The following NLRC5 variants were observed in gnomAD, a reference collection of about 807,000 sequenced individuals.
NLRC5 encodes the protein NLR family CARD domain containing 5.
NLRC5 carries 114 observed loss-of-function variants against 206.9 expected under a neutral mutation model. The ratio of observed to expected loss-of-function variants is 0.55; its 90% confidence interval spans 0.47 to 0.64. The LOEUF is 0.64. Ranked by LOEUF, NLRC5 falls within the 30% of genes least tolerant of loss-of-function variation. NLRC5 has a pLI of 0.00. For missense variants in NLRC5, 2,008 were observed against 2,305.5 expected (o/e 0.87, Z 2.64); for synonymous variants, 952 against 962.8 (o/e 0.99, Z 0.21).
At chr16:57,038,939 T>TAAAAAAAA (rs574142317) in intron 15 of NLRC5, among the ~76,000 whole-genome samples, 1 of 108,274 alleles carries the variant, frequency 9.2e-6, no homozygotes. Context: ...TGTCTCAAAT[T>TAAAAAAAA]AAAAAAAAAA....
chr16:57,042,874 G>A lies in NLRC5; in HGVS notation c.3114-641G>A, dbSNP rs556957399. Reference sequence around the variant, plus strand: ...GTTTTTGTGCAATGCTGGGAAGGAAGGGAGTTGCCTTGGTTCCTGTTCAGG... The same window carrying A: ...GTTTTTGTGCAATGCTGGGAAGGAAAGGAGTTGCCTTGGTTCCTGTTCAGG... On this transcript the variant is annotated intron_variant, in intron 19 of 48. Transcript: ENST00000688547. 3.7e-4 allele frequency among the ~76,000 whole-genome samples: 57 copies of A among 152,290 alleles called. No homozygotes were observed. The East Asian group carries it at 0.01, about 27-fold the overall frequency.
intron 32 of NLRC5, chr16:57,061,928 A>T (rs1567626065): frequency 7.9e-6 from 12 of 1,511,492 alleles, no homozygotes; most frequent in Non-Finnish European, 9.7e-6. Flanking sequence ...GGATTTAAGA[A>T]AAAAAGAAAG....
At chr16:57,054,666 T>C in intron 24 of NLRC5, 85 bp from the exon 25 acceptor site, 44 of 532,578 alleles carry the variant, frequency 8.3e-5, no homozygotes, top group Non-Finnish European at 1.3e-4. Flanking sequence ...CTGCTAGCCC[T>C]CCCCACCCTC....
chr16:56,992,080 A>T, intron 1 of NLRC5: 1 of 152,254 alleles, frequency 6.6e-6, no homozygotes, highest in South Asian at 2.1e-4. Context: ...GCGGCGATGC[A>T]TCTAGGAGCC....
At chr16:57,051,141 G>A (rs1352947702) in intron 23 of NLRC5, among the ~76,000 whole-genome samples, 2 of 152,292 alleles carry the variant, frequency 1.3e-5, no homozygotes, top group East Asian at 1.9e-4. Context: ...TTACAGGCAT[G>A]AGCCACCATG....
rs1299731361 is a variant in NLRC5 at position 57,082,400 on chromosome 16, A to G, written c.5490-17A>G. 2 of 1,585,464 alleles carry G rather than the reference A, an allele frequency of 1.3e-6. No individual in the cohort carries two copies. Among genetic ancestry groups the G allele is most frequent in the Non-Finnish European group, 1.7e-6 (2 of 1,156,978 alleles). ...AAGATGGGAGGATGAATGAGTGCCTATATCTGTGCCCCACAGCCTCTGGAA... is the reference window on the plus strand; with the variant it reads ...AAGATGGGAGGATGAATGAGTGCCTGTATCTGTGCCCCACAGCCTCTGGAA... On this transcript the variant is annotated splice_polypyrimidine_tract_variant and intron_variant, in intron 48 of 48. Coordinates refer to ENST00000688547, the MANE Select transcript of NLRC5 (RefSeq NM_001384950.1).
chr16:57,071,909 T>TTGTG (rs2144949138), intron 38 of NLRC5, among the ~76,000 whole-genome samples: 2 of 152,050 alleles, frequency 1.3e-5, no homozygotes, highest in Admixed American at 1.3e-4. Context: ...TTTGCATGTT[T>TTGTG]TGTGAACACA....
rs77572321 is a variant in NLRC5, at chr16:56,995,699, G to T, written c.-128+6082G>T. ...AAATGGAAGGAGCATGCATGCCTTG[G>T]GAAGCTGGTGCTTTGAGGCATTCAG... On this transcript the variant is annotated intron_variant, in intron 1 of 48. Transcript: ENST00000688547. Among the ~76,000 whole-genome samples, 1,257 of 152,248 alleles carry T rather than the reference G, an allele frequency of 8.3e-3. 42 individuals carry two copies. The East Asian group carries it at 0.083, about 10-fold the overall frequency.
chr16:57,027,247 T>C (rs1288130274), intron 6 of NLRC5, among the ~76,000 whole-genome samples: 1 of 152,208 alleles, frequency 6.6e-6, no homozygotes, highest in East Asian at 1.9e-4. Context: ...CTGTCAATCA[T>C]GGGCTGAAAC....
At chr16:56,992,191 C>T (rs1340274817) in intron 1 of NLRC5, 5 of 152,164 alleles carry the variant, frequency 3.3e-5, no homozygotes, top group African/African-American at 9.7e-5. Flanking sequence ...GACCACACCT[C>T]GATCTCAGAC....
At chr16:57,003,498 C>T (rs1392405242) in intron 1 of NLRC5, among the ~76,000 whole-genome samples, 2 of 152,190 alleles carry the variant, frequency 1.3e-5, no homozygotes, top group African/African-American at 4.8e-5. Flanking sequence ...CGGATGCCCC[C>T]ACTCACTGTG....
chr16:57,029,745 A>T, intron 8 of NLRC5, 28 bp from the exon 9 acceptor site: 5 of 1,608,160 alleles, frequency 3.1e-6, no homozygotes, highest in Non-Finnish European at 4.3e-6. Context: ...CCCCAGGGCA[A>T]AGGGACTGGG....
chr16:57,006,445 G>A (rs1228579538), intron 1 of NLRC5, among the ~76,000 whole-genome samples: 1 of 94,614 alleles, frequency 1.1e-5, no homozygotes, highest in Admixed American at 1.4e-4. Context: ...TTGAGACAGG[G>A]TTTCACTCTG....
intron 32 of NLRC5, chr16:57,061,937 A>C (rs1460239035): frequency 6.6e-7 from 1 of 1,507,408 alleles, no homozygotes; most frequent in South Asian, 1.2e-5. Context: ...AAAAAAAGAA[A>C]GAAAGAAAGA....
intron 32 of NLRC5, chr16:57,061,923 TAAGAAAAA>T (rs1567626048): frequency 6.6e-7 from 1 of 1,516,560 alleles, no homozygotes; most frequent in African/African-American, 1.5e-5. Context: ...CTTTGGGATT[TAAGAAAAA>T]AAGAAAGAAA....
chr16:57,003,120 C>T lies in NLRC5; in HGVS notation c.-128+13503C>T, dbSNP rs113969125. Among the ~76,000 whole-genome samples the T allele has an allele frequency of 5.3e-5, 8 of 152,178 alleles. No individual in the cohort carries two copies. The East Asian group carries it at 1.4e-3, about 26-fold the overall frequency. On this transcript the variant is annotated intron_variant, in intron 1 of 48. Coordinates refer to ENST00000688547, the MANE Select transcript of NLRC5 (RefSeq NM_001384950.1). ...TGTCGCCCAGACTGGAGTGCAGTGGCGTGATCTCAGCTCACTGCCGCCTCC... is the reference window on the plus strand; with the variant it reads ...TGTCGCCCAGACTGGAGTGCAGTGGTGTGATCTCAGCTCACTGCCGCCTCC...
chr16:57,059,828 G>A (rs370630828), intron 30 of NLRC5, among the ~76,000 whole-genome samples: 4 of 152,092 alleles, frequency 2.6e-5, no homozygotes, highest in South Asian at 4.1e-4. Flanking sequence ...TGAGTGTCAC[G>A]GTTAAAGATT....
intron 1 of NLRC5, among the ~76,000 whole-genome samples, chr16:56,995,500 A>G: frequency 6.6e-6 from 1 of 152,184 alleles, no homozygotes; most frequent in Admixed American, 6.5e-5. Flanking sequence ...AATGTTTGAA[A>G]CCGTGTTGTC....
intron 28 of NLRC5, 69 bp from the exon 29 acceptor site, chr16:57,058,903 G>A: frequency 7.8e-7 from 1 of 1,287,806 alleles, no homozygotes; most frequent in Non-Finnish European, 1.1e-6. Context: ...AAGGGAGATG[G>A]AGGGGGCTGG....
Sources: allele counts gnomAD v4.1 joint callset (sites outside exome capture counted in the v4.1 genomes callset), GRCh38; gene constraint gnomAD v4.1.1; transcripts MANE v1.5; gene names NCBI Gene and HGNC (gene_info 2026-07-23, HGNC 2026-07-21).